The following FAM222B variants were observed in gnomAD, a reference collection of about 807,000 sequenced individuals.
The protein encoded by FAM222B is family with sequence similarity 222 member B.
FAM222B carries 12 observed loss-of-function variants against 38.0 expected under a neutral mutation model. That is an observed-to-expected ratio of 0.32 (90% confidence interval 0.20 to 0.51). FAM222B has a LOEUF of 0.51. FAM222B is among the 20% of genes least tolerant of loss of function. The pLI is 0.97. For missense variants in FAM222B, 716 were observed against 754.2 expected, an observed-to-expected ratio of 0.95 and a Z score of 0.59; for synonymous variants, 329 against 317.2, an observed-to-expected ratio of 1.04 and a Z score of -0.40.
At chr17:28,832,886 A>G (rs2038712951) in intron 1 of FAM222B, among the ~76,000 whole-genome samples, 1 of 151,926 alleles carries the variant, frequency 6.6e-6, no homozygotes. Flanking sequence ...GTTAAAAAAG[A>G]AAGGCTGGGC....
At chr17:28,793,002 C>T (rs977938913) in intron 1 of FAM222B, among the ~76,000 whole-genome samples, 2 of 151,890 alleles carry the variant, frequency 1.3e-5, no homozygotes, top group Non-Finnish European at 1.5e-5. Flanking sequence ...ACTGCAGCCT[C>T]GACCTCCTGG....
chr17:28,840,799 A>G (rs2039011126), intron 1 of FAM222B, among the ~76,000 whole-genome samples: 1 of 151,622 alleles, frequency 6.6e-6, no homozygotes, highest in African/African-American at 2.4e-5. Context: ...GTGTACTAAA[A>G]AAAATACAAA....
chr17:28,803,218 G>A (rs951827243), intron 1 of FAM222B, among the ~76,000 whole-genome samples: 1 of 152,066 alleles, frequency 6.6e-6, no homozygotes, highest in Non-Finnish European at 1.5e-5. Flanking sequence ...AGGTTGGCCA[G>A]GCTGGTCTCG....
intron 1 of FAM222B, among the ~76,000 whole-genome samples, chr17:28,839,684 A>G (rs1386174355): frequency 6.6e-6 from 1 of 152,210 alleles, no homozygotes; most frequent in African/African-American, 2.4e-5. Flanking sequence ...AAATTTCTGT[A>G]ATGACCTATC....
chr17:28,769,174 C>CTTTTTTTTTTTTTTTTTTTTT (rs35918064), intron 1 of FAM222B, among the ~76,000 whole-genome samples: 1 of 82,542 alleles, frequency 1.2e-5, no homozygotes, highest in Admixed American at 1.8e-4. Context: ...AATGTTAGTT[C>CTTTTTTTTTTTTTTTTTTTTT]TTTTTTTTTT....
At chr17:28,803,978 C>G (rs907031669) in intron 1 of FAM222B, among the ~76,000 whole-genome samples, 11 of 151,348 alleles carry the variant, frequency 7.3e-5, no homozygotes, top group African/African-American at 2.7e-4. Flanking sequence ...AAGACCACGT[C>G]TCAAAAAAAA....
intron 1 of FAM222B, among the ~76,000 whole-genome samples, chr17:28,804,896 A>T (rs2037408025): frequency 6.6e-6 from 1 of 151,520 alleles, no homozygotes; most frequent in South Asian, 2.1e-4. Context: ...CAGAAACAAA[A>T]TTAGCCAGGC....
In FAM222B at chr17:28,759,462, T is replaced by C. The variant is rs1567786611; in HGVS notation, c.497A>G (p.His166Arg). 1.4e-6 allele frequency: 2 copies of C among 1,440,072 alleles called. No individual in the cohort carries two copies. The highest frequency in any genetic ancestry group is 2.8e-5 in the East Asian group (1 of 35,620). The allele number at this position is 1,440,072 out of a possible 1,614,324, so 89.2% of individuals were successfully genotyped here. Residue 166 changes from histidine to arginine, a missense_variant, in exon 3 of 3, where the codon CAT becomes CGT. Transcript: ENST00000581407. The surrounding 1 kb of genome is among the most constrained non-coding windows in gnomAD (Gnocchi z 4.8). The part of the protein sequence containing the change: ...QALQHAQTLA[H>R]APPQTLQHPQ... ...GTGCTGCAGCGTCTGGGGAGGGGCATGGGCCAGGGTCTGTGCATGCTGCAG... is the reference window on the plus strand; with the variant it reads ...GTGCTGCAGCGTCTGGGGAGGGGCACGGGCCAGGGTCTGTGCATGCTGCAG...
At chr17:28,798,552 T>C (rs1340995398) in intron 1 of FAM222B, among the ~76,000 whole-genome samples, 2 of 152,120 alleles carry the variant, frequency 1.3e-5, no homozygotes, top group Non-Finnish European at 2.9e-5. Context: ...AGCTTTTAAT[T>C]AGGTAATTTT....
At chr17:28,840,114 G>A (rs879293218) in intron 1 of FAM222B, among the ~76,000 whole-genome samples, 14 of 152,012 alleles carry the variant, frequency 9.2e-5, no homozygotes, top group Admixed American at 9.2e-4. Flanking sequence ...GGTGGCTTAC[G>A]CCTGTGATCC....
chr17:28,808,381 C>A (rs1264392947), intron 1 of FAM222B, among the ~76,000 whole-genome samples: 2 of 152,172 alleles, frequency 1.3e-5, no homozygotes, highest in African/African-American at 4.8e-5. Flanking sequence ...CACTGAACAA[C>A]ACACATGCAT....
chr17:28,837,029 A>C (rs1278709085), intron 1 of FAM222B, among the ~76,000 whole-genome samples: 1 of 152,094 alleles, frequency 6.6e-6, no homozygotes, highest in East Asian at 1.9e-4. Context: ...AAGGCAGGAG[A>C]AGCTTGAACC....
chr17:28,790,884 C>CTTTT lies in FAM222B; in HGVS notation c.-40-24181_-40-24178dup, dbSNP rs60664262. Among the ~76,000 whole-genome samples the CTTTT allele has an allele frequency of 1.1e-3, 92 of 86,062 alleles. 6 individuals carry two copies. The highest frequency in any genetic ancestry group is 1.6e-3 in the Non-Finnish European group (76 of 46,254). 56.5% of individuals were successfully genotyped at this position (86,062 alleles called of 152,430 possible). ...GTTCTATATATTTCAAATTGTTTCA[C>CTTTT]TTTTTTTTTTTTTTTTTTTTTTTTT... On this transcript the variant is annotated intron_variant, in intron 1 of 2. Transcript: ENST00000581407.
At chr17:28,813,279 A>G (rs996835691) in intron 1 of FAM222B, among the ~76,000 whole-genome samples, 1 of 152,108 alleles carries the variant, frequency 6.6e-6, no homozygotes, top group African/African-American at 2.4e-5. Context: ...TTTCAGTACA[A>G]TTAGGAAGCA....
chr17:28,829,284 G>T (rs1429130897), intron 1 of FAM222B, among the ~76,000 whole-genome samples: 1 of 151,016 alleles, frequency 6.6e-6, no homozygotes, highest in African/African-American at 2.4e-5. Flanking sequence ...GCGCCATCTT[G>T]GCTCACCGCA....
intron 1 of FAM222B, among the ~76,000 whole-genome samples, chr17:28,792,092 G>T (rs1438603702): frequency 6.7e-6 from 1 of 149,222 alleles, no homozygotes; most frequent in Non-Finnish European, 1.5e-5. Context: ...CGGGCGGATC[G>T]CGAGGTCAGG....
chr17:28,846,604 G>A (rs999636787), upstream of FAM222B, among the ~76,000 whole-genome samples: 4 of 151,984 alleles, frequency 2.6e-5, no homozygotes, highest in African/African-American at 9.7e-5. Flanking sequence ...GGGAGGCGGA[G>A]GTTGCAGTGA....
upstream of FAM222B, among the ~76,000 whole-genome samples, chr17:28,843,439 G>A (rs985909912): frequency 2.8e-5 from 4 of 144,684 alleles, no homozygotes; most frequent in Admixed American, 2.1e-4. Context: ...GCCCAGCCTG[G>A]GTCTTTTTTT....
At chr17:28,774,558 C>G (rs945444467) in intron 1 of FAM222B, among the ~76,000 whole-genome samples, 1 of 152,140 alleles carries the variant, frequency 6.6e-6, no homozygotes, top group African/African-American at 2.4e-5. Context: ...AGGAACAAAC[C>G]TTTTTCCCTA....
Sources: gnomAD v4.1 joint callset for allele counts (sites outside exome capture counted in the v4.1 genomes callset) on GRCh38, gnomAD v4.1.1 for gene constraint, Gnocchi (gnomAD v3.1) non-coding constraint, MANE v1.5 for transcripts, NCBI Gene and HGNC (gene_info 2026-07-23, HGNC 2026-07-21) for gene names.